MYO18B: variants seen among roughly 807,000 people sequenced by gnomAD.
MYO18B encodes the protein unconventional myosin-XVIIIb.
MYO18B carries 204 observed loss-of-function variants against 273.0 expected under a neutral mutation model. The ratio of observed to expected loss-of-function variants is 0.75; its 90% CI spans 0.67 to 0.84. The LOEUF is 0.84. Among genes scored for constraint, MYO18B ranks in the 40% least tolerant of loss-of-function variants. MYO18B has a pLI of 0.00. For missense variants in MYO18B, 3,212 were observed against 3,287.6 expected (o/e 0.98, Z 0.56); for synonymous variants, 1,330 against 1,305.7 (o/e 1.02, Z -0.40).
intron 18 of MYO18B, among the ~76,000 whole-genome samples, 200 bp downstream of exon 18, chr22:25,844,094 G>A (rs1321025406): frequency 6.6e-6 from 1 of 152,230 alleles, no homozygotes; most frequent in Non-Finnish European, 1.5e-5. Flanking sequence ...TCCAGCTGAG[G>A]AGAAAAGCTG....
chr22:25,751,094 T>C (rs1482852686), intron 1 of MYO18B, among the ~76,000 whole-genome samples: 1 of 152,184 alleles, frequency 6.6e-6, no homozygotes, highest in Non-Finnish European at 1.5e-5. Context: ...AATCCACCTC[T>C]TCGGATGGAA....
At chr22:25,770,628 CTG>C (rs1415803297) in intron 5 of MYO18B, among the ~76,000 whole-genome samples, 1 of 152,166 alleles carries the variant, frequency 6.6e-6, no homozygotes, top group Non-Finnish European at 1.5e-5. Context: ...GGTGCCTGCT[CTG>C]TGCCTGGCAC....
At chr22:26,001,869 A>G (rs150679520) in intron 40 of MYO18B, among the ~76,000 whole-genome samples, 18 of 152,354 alleles carry the variant, frequency 1.2e-4, no homozygotes, top group Non-Finnish European at 2.4e-4. Flanking sequence ...ATAGTAAACA[A>G]GAACTAACAC....
At position 25,902,716 on chromosome 22, in the gene MYO18B, C is replaced by A. The variant is rs2091963354; in HGVS notation, c.4927C>A (p.Gln1643Lys). The A allele has an allele frequency of 6.3e-7, 1 of 1,585,394 alleles. No individual in the cohort carries two copies. The highest frequency in any genetic ancestry group is 8.6e-7 in the Non-Finnish European group (1 of 1,165,190). The part of the protein sequence containing the change: ...ENTSVRWELG[Q>K]LQQQLKQKEQ... ...CACCAGTGTCCGGTGGGAGCTAGGC[C>A]AGCTTCAGCAGCAGCTGAAGGTAAG... The change falls in exon 30 of 44, where the codon CAG (glutamine) becomes AAG (lysine). Residue 1643 changes from glutamine to lysine, a missense_variant. Physicochemically the swap from Gln to Lys is moderately conservative, Grantham distance 53. Transcript: ENST00000335473.
intron 22 of MYO18B, among the ~76,000 whole-genome samples, chr22:25,871,619 C>T (rs774239715): frequency 3.3e-5 from 5 of 152,008 alleles, no homozygotes; most frequent in Admixed American, 1.3e-4. Context: ...TGTTTGCATC[C>T]GATAAGCTGC....
chr22:25,788,279 C>T (rs5761183), intron 11 of MYO18B, among the ~76,000 whole-genome samples: 143,262 of 152,298 alleles, frequency 0.94, 67,751 homozygotes, highest in Non-Finnish European at 0.99. Context: ...TGGGGTCGGG[C>T]AGGCCAGGTA....
chr22:26,039,918 G>A, the MYO18B span, among the ~76,000 whole-genome samples: 15,246 of 151,984 alleles, frequency 0.1, 903 homozygotes, highest in Middle Eastern at 0.17. Flanking sequence ...TCGACCTCCC[G>A]GGCTCAGGTG....
At chr22:25,835,684 T>A (rs1322054497) in intron 17 of MYO18B, among the ~76,000 whole-genome samples, 1 of 152,250 alleles carries the variant, frequency 6.6e-6, no homozygotes, top group Non-Finnish European at 1.5e-5. Flanking sequence ...GGGCCAGTCC[T>A]CATGGGGAAG....
At chr22:25,914,985 C>T (rs1038715307) in intron 33 of MYO18B, among the ~76,000 whole-genome samples, 1 of 151,794 alleles carries the variant, frequency 6.6e-6, no homozygotes, top group Non-Finnish European at 1.5e-5. Flanking sequence ...GCATGAAACA[C>T]CGCGCCCGGC....
intron 34 of MYO18B, among the ~76,000 whole-genome samples, chr22:25,945,415 T>A (rs1336703762): frequency 6.6e-6 from 1 of 152,038 alleles, no homozygotes. Context: ...TCCCTGCATG[T>A]CCAGTGCCTG....
At position 26,012,955 on chromosome 22, in the gene MYO18B, C is replaced by T. The variant is rs189148562; in HGVS notation, c.6470+8100C>T. 4.0e-3 allele frequency among the ~76,000 whole-genome samples: 607 copies of T among 152,234 alleles called. 3 individuals carry two copies. Among genetic ancestry groups the T allele is most frequent in the Non-Finnish European group, 6.0e-3 (409 of 67,992 alleles). On this transcript the variant is annotated intron_variant, in intron 42 of 43. Transcript: ENST00000335473. ...GACCATTACAGTGCCCCTACAACTT[C>T]CTTGTGCCCATTCAAGCCACCACCT...
In MYO18B at chr22:25,876,195, C is replaced by G. The variant is rs770857621; in HGVS notation, c.4087C>G (p.Arg1363Gly). The change falls in exon 24 of 44, where the codon CGA (arginine) becomes GGA (glycine). Residue 1363 changes from arginine (R) to glycine (G), a missense_variant. Transcript: ENST00000335473. ...GTGTTCTCCTTCCCTGCAGATTCGC[C>G]GACTGGCTGCACAGTGCATCCAGAA... is the stretch of plus-strand genomic sequence containing the variant. Reference protein sequence around the residue: ...RQEFKKLKIRRLAAQCIQKNV... With the variant: ...RQEFKKLKIRGLAAQCIQKNV... The G allele has an allele frequency of 6.2e-7, 1 of 1,611,268 alleles. No individual in the cohort carries two copies. The highest frequency in any genetic ancestry group is 8.5e-7 in the Non-Finnish European group (1 of 1,178,654).
At position 26,027,641 on chromosome 22, in the gene MYO18B, A is replaced by G. The variant is rs1260399411; in HGVS notation, c.7667A>G (p.Asp2556Gly). ...REPGTGRKDD[D>G]VASIMKKYLQ... is the part of the protein sequence containing the mutation. ...CCAGGGACGGGGAGGAAAGACGACG[A>G]TGTTGCGAGCATAATGAAGAAATAC... Residue 2556 changes from aspartate to glycine, a missense_variant, in exon 43 of 44, where the codon GAT becomes GGT. By Grantham distance (94) the Asp-to-Gly change is moderately conservative. Coordinates refer to ENST00000335473, the MANE Select transcript of MYO18B (RefSeq NM_032608.7). The surrounding 1 kb of genome is among the most constrained non-coding windows in gnomAD (Gnocchi z 4.1). 3.1e-6 allele frequency: 5 copies of G among 1,613,710 alleles called. No homozygotes were observed. The highest frequency in any genetic ancestry group is 4.2e-6 in the Non-Finnish European group (5 of 1,179,736).
In MYO18B at chr22:25,846,237, C is replaced by G. The variant is rs371049978; in HGVS notation, c.3506C>G (p.Ala1169Gly). The change falls in exon 19 of 44, where the codon GCC (alanine) becomes GGC (glycine). Residue 1169 changes from alanine (A) to glycine (G), a missense_variant. By Grantham distance (60) the Ala-to-Gly change is moderately conservative. Transcript: ENST00000335473. ...MVRRTFASSL[A>G]AVRRKAPCSQ... ...AGGAGGACCTTTGCCAGCAGCCTTG[C>G]CGCGGTGAGGAGGAAAGCCCCGTGC... 4.3e-6 allele frequency: 7 copies of G among 1,612,130 alleles called. No homozygotes were observed. The African/African-American group carries it at 9.3e-5, about 22-fold the overall frequency.
chr22:26,030,778 A>T lies in MYO18B; in HGVS notation c.*348A>T, dbSNP rs1489106839. 3.8e-5 allele frequency: 15 copies of T among 395,624 alleles called. No homozygotes were observed. Among genetic ancestry groups the T allele is most frequent in the Non-Finnish European group, 5.8e-5 (13 of 224,898 alleles). The allele number at this position is 395,624 out of a possible 1,614,324, so 24.5% of individuals were successfully genotyped here. On this transcript the variant is annotated 3_prime_UTR_variant, in exon 44 of 44. Transcript: ENST00000335473. Reference sequence around the variant, plus strand: ...GGTGTATACTTCTATTTCTCTTCCTACATGTCTACATGCCATGACCTTCCT... The same window carrying T: ...GGTGTATACTTCTATTTCTCTTCCTTCATGTCTACATGCCATGACCTTCCT...
At chr22:25,917,580 G>GTA (rs2092281706) in intron 33 of MYO18B, among the ~76,000 whole-genome samples, 1 of 151,346 alleles carries the variant, frequency 6.6e-6, no homozygotes, top group Admixed American at 6.6e-5. Flanking sequence ...GTGTGTGTGT[G>GTA]TATGCATGTT....
chr22:25,835,786 G>C (rs961595974), intron 17 of MYO18B, among the ~76,000 whole-genome samples: 19 of 152,244 alleles, frequency 1.2e-4, no homozygotes, highest in Admixed American at 9.2e-4. Flanking sequence ...TTTTCTGGTA[G>C]CCAGTGGGAG....
intron 42 of MYO18B, among the ~76,000 whole-genome samples, chr22:26,014,868 GTGTC>G (rs1346924606): frequency 2.0e-5 from 3 of 151,458 alleles, no homozygotes; most frequent in African/African-American, 7.3e-5. Context: ...CTTTTTAAAA[GTGTC>G]TGTGCATGTC....
At chr22:25,859,416 A>G (rs1357138658) in intron 21 of MYO18B, among the ~76,000 whole-genome samples, 4 of 152,172 alleles carry the variant, frequency 2.6e-5, no homozygotes, top group African/African-American at 9.6e-5. Context: ...TGGTAAATTT[A>G]TGTGTAACTT....
Sources: gnomAD v4.1 joint callset for allele counts (sites outside exome capture counted in the v4.1 genomes callset) on GRCh38, gnomAD v4.1.1 for gene constraint, Gnocchi (gnomAD v3.1) non-coding constraint, MANE v1.5 for transcripts, NCBI Gene and HGNC (gene_info 2026-07-23, HGNC 2026-07-21) for gene names.